Variants in CDS2 observed in about 807,000 individuals in gnomAD.
CDS2 encodes phosphatidate cytidylyltransferase 2.
CDS2 carries 47 observed loss-of-function variants against 59.0 expected under a neutral mutation model. That is an observed-to-expected ratio of 0.80 (90% CI 0.63 to 1.02). The LOEUF is 1.02. CDS2 is among the 50% of genes least tolerant of loss of function. CDS2 has a pLI of 0.00. For missense variants in CDS2, 356 were observed against 558.9 expected (o/e 0.64, Z 3.66); for synonymous variants, 207 against 206.4 (o/e 1.00, Z -0.02).
chr20:5,155,425 A>G (rs2090825505), intron 1 of CDS2, among the ~76,000 whole-genome samples: 1 of 152,232 alleles, frequency 6.6e-6, no homozygotes, highest in Admixed American at 6.5e-5. Context: ...CCTACTTTTT[A>G]TAATCTCAAA....
chr20:5,154,629 A>G (rs1390353056), intron 1 of CDS2, among the ~76,000 whole-genome samples: 1 of 140,018 alleles, frequency 7.1e-6, no homozygotes, highest in Non-Finnish European at 1.6e-5. Context: ...GGCACAAAGG[A>G]CAGATGTCTT....
At position 5,196,686 on chromosome 20, in the gene CDS2, A is replaced by G. The variant is rs548833839; in HGVS notation, c.*6452A>G. 1.4e-4 allele frequency: 22 copies of G among 152,250 alleles called. No individual in the cohort carries two copies. Among genetic ancestry groups the G allele is most frequent in the Non-Finnish European group, 2.6e-4 (18 of 68,048 alleles). 9.4% of individuals were successfully genotyped at this position (152,250 alleles called of 1,614,324 possible). ...TTGAGAATGTTTTCTAGCAGGCAGA[A>G]TGTGCATACATGTTTTCATGAGTGT... On this transcript the variant is annotated 3_prime_UTR_variant, in exon 13 of 13. Coordinates refer to ENST00000460006, the MANE Select transcript of CDS2 (RefSeq NM_003818.4).
intron 9 of CDS2, among the ~76,000 whole-genome samples, 159 bp downstream of exon 9, chr20:5,185,985 C>A (rs2091064598): frequency 6.6e-6 from 1 of 152,278 alleles, no homozygotes; most frequent in Admixed American, 6.5e-5. Flanking sequence ...TGCCAGCCAT[C>A]CACCAGCTTT....
At chr20:5,185,676 A>C (rs2123062807) in intron 8 of CDS2, 82 bp from the exon 9 acceptor site, 1 of 1,243,826 alleles carries the variant, frequency 8.0e-7, no homozygotes, top group East Asian at 2.3e-5. Context: ...TTATGAAAGA[A>C]AGGTTCTTAA....
At position 5,181,660 on chromosome 20, in the gene CDS2, AT is replaced by A. The variant is rs368865816; in HGVS notation, c.530-723del. On this transcript the variant is annotated intron_variant, in intron 5 of 12. Transcript: ENST00000460006. ...ATGTTCTCGGAAATGCATTGTTGTC[AT>A]TTTGTCATTGTGCAAACATTGTAGA... 5.0e-3 allele frequency among the ~76,000 whole-genome samples: 766 copies of A among 152,176 alleles called. 8 individuals are homozygous for A. Among genetic ancestry groups the A allele is most frequent in the African/African-American group, 0.018 (744 of 41,496 alleles).
chr20:5,171,967 C>G (rs17776782), intron 1 of CDS2, among the ~76,000 whole-genome samples: 11,169 of 152,256 alleles, frequency 0.073, 470 homozygotes, highest in Middle Eastern at 0.16. Flanking sequence ...AGGCGAGGCC[C>G]TCTGTGTTGC....
intron 1 of CDS2, 73 bp downstream of exon 1, chr20:5,127,222 A>C: frequency 7.6e-7 from 1 of 1,318,338 alleles, no homozygotes; most frequent in Non-Finnish European, 1.0e-6. Flanking sequence ...ACGCGCGCAG[A>C]GGGGTCGTCT....
Position 5,189,085 on chromosome 20 carries a change from C to A in CDS2, c.1000C>A (p.Pro334Thr), listed in dbSNP as rs1326185534. The change falls in exon 11 of 13, where the codon CCC becomes ACC. Residue 334 changes from proline (P) to threonine (T), a missense_variant. Coordinates refer to ENST00000460006, the MANE Select transcript of CDS2 (RefSeq NM_003818.4). Reference sequence around the variant, plus strand: ...TTCTCAGAAAACGGTCCGGATGTACCCCTTCCAGATTCACAGCATCGCTCT... The same window carrying A: ...TTCTCAGAAAACGGTCCGGATGTACACCTTCCAGATTCACAGCATCGCTCT... ...VIGWKTVRMY[P>T]FQIHSIALST... 1 of 1,614,046 alleles carries A rather than the reference C, an allele frequency of 6.2e-7. No individual in the cohort carries two copies. The highest frequency in any genetic ancestry group is 2.2e-5 in the East Asian group (1 of 44,894).
intron 1 of CDS2, among the ~76,000 whole-genome samples, chr20:5,162,398 G>A (rs1366769019): frequency 6.6e-6 from 1 of 152,124 alleles, no homozygotes; most frequent in Non-Finnish European, 1.5e-5. Flanking sequence ...TGGTTAAGGG[G>A]TATTCAATCG....
intron 1 of CDS2, among the ~76,000 whole-genome samples, chr20:5,165,407 T>C (rs142250347): frequency 4.4e-4 from 67 of 152,326 alleles, no homozygotes; most frequent in African/African-American, 1.3e-3. Context: ...CTCAGCATCA[T>C]TGGCTCTGGC....
intron 1 of CDS2, among the ~76,000 whole-genome samples, chr20:5,127,387 G>A (rs1475684755): frequency 6.6e-6 from 1 of 152,178 alleles, no homozygotes; most frequent in Non-Finnish European, 1.5e-5. Flanking sequence ...CGGGGCGCAG[G>A]AAGGAGCTTC....
intron 1 of CDS2, among the ~76,000 whole-genome samples, chr20:5,132,632 T>C (rs941701948): frequency 7.2e-5 from 11 of 152,100 alleles, no homozygotes; most frequent in African/African-American, 2.2e-4. Flanking sequence ...TGAGAAATAA[T>C]TTAGGAATTA....
At chr20:5,164,823 C>T (rs779429968) in intron 1 of CDS2, among the ~76,000 whole-genome samples, 2 of 152,166 alleles carry the variant, frequency 1.3e-5, no homozygotes, top group African/African-American at 2.4e-5. Flanking sequence ...GGAACAGAGC[C>T]GTTGGCAGAG....
rs572157987 is a variant in CDS2, at chr20:5,131,720, T to G, written c.57+4571T>G. 1.4e-3 allele frequency among the ~76,000 whole-genome samples: 206 copies of G among 152,372 alleles called. 1 individual carries two copies. Among genetic ancestry groups the G allele is most frequent in the African/African-American group, 4.2e-3 (173 of 41,582 alleles). On this transcript the variant is annotated intron_variant, in intron 1 of 12. Transcript: ENST00000460006. ...TGTAAGAGCAGGGGCTTGGGTCAGT[T>G]ACATCTACCTTGAGCCTGGGCTCCG...
chr20:5,152,237 G>A (rs780408200), intron 1 of CDS2, among the ~76,000 whole-genome samples: 6 of 152,036 alleles, frequency 3.9e-5, no homozygotes, highest in Non-Finnish European at 7.4e-5. Context: ...TGAGAGCACT[G>A]AACTGCAACT....
intron 5 of CDS2, among the ~76,000 whole-genome samples, chr20:5,179,580 A>G (rs1422819758): frequency 3.3e-5 from 5 of 152,212 alleles, no homozygotes; most frequent in African/African-American, 1.2e-4. Context: ...AACAAAAATC[A>G]TCTAGGAACT....
chr20:5,155,721 T>C (rs1328961636), intron 1 of CDS2, among the ~76,000 whole-genome samples: 1 of 152,244 alleles, frequency 6.6e-6, no homozygotes, highest in African/African-American at 2.4e-5. Flanking sequence ...AAGGTAATAC[T>C]CTTCTTGCCA....
chr20:5,142,062 TC>T (rs1353756017), intron 1 of CDS2, among the ~76,000 whole-genome samples: 1 of 152,204 alleles, frequency 6.6e-6, no homozygotes, highest in East Asian at 1.9e-4. Flanking sequence ...TGCCTGTAAT[TC>T]CAGCGCTCTA....
intron 12 of CDS2, 112 bp from the exon 13 acceptor site, chr20:5,189,990 A>C (rs2091100671): frequency 6.9e-7 from 1 of 1,451,718 alleles, no homozygotes; most frequent in Non-Finnish European, 9.4e-7. Context: ...GCCTCCTGTC[A>C]TCTGTTAATA....
Sources: gnomAD v4.1 joint callset for allele counts (sites outside exome capture counted in the v4.1 genomes callset) on GRCh38, gnomAD v4.1.1 for gene constraint, MANE v1.5 for transcripts, NCBI Gene and HGNC (gene_info 2026-07-23, HGNC 2026-07-21) for gene names.